The following XDH variants were observed in gnomAD, a reference collection of about 807,000 sequenced individuals.
The protein encoded by XDH is xanthine dehydrogenase.
Under a neutral mutation model 156.1 loss-of-function variants are expected in XDH, and 138 were observed. The ratio of observed to expected loss-of-function variants is 0.88; its 90% confidence interval spans 0.77 to 1.02. The LOEUF (loss-of-function observed/expected upper bound fraction) is 1.02. Ranked by LOEUF, XDH falls within the 50% of genes least tolerant of loss-of-function variation. XDH has a pLI of 0.00. For synonymous variants in XDH, 669 were observed against 625.7 expected (o/e 1.07, Z -1.03); for missense variants, 1,849 against 1,684.9 (o/e 1.10, Z -1.71).
chr2:31,398,932 T>C (rs758548788), intron 4 of XDH, among the ~76,000 whole-genome samples: 7 of 152,180 alleles, frequency 4.6e-5, no homozygotes, highest in Non-Finnish European at 1.0e-4. Context: ...CCTCTAGAGC[T>C]GCGATGAGGA....
chr2:31,368,480 T>C, intron 19 of XDH, 61 bp downstream of exon 19: 2 of 1,604,088 alleles, frequency 1.2e-6, no homozygotes, highest in African/African-American at 1.3e-5. Context: ...GGGATCCTAA[T>C]ACATGCACAT....
At chr2:31,342,877 T>C (rs1189452867) in intron 31 of XDH, among the ~76,000 whole-genome samples, 1 of 152,190 alleles carries the variant, frequency 6.6e-6, no homozygotes, top group Non-Finnish European at 1.5e-5. Flanking sequence ...CCCTTATACA[T>C]TTTTAAAATT....
intron 19 of XDH, 133 bp downstream of exon 19, chr2:31,368,408 G>A: frequency 8.3e-7 from 1 of 1,198,414 alleles, no homozygotes. Context: ...AAATCCCAGG[G>A]TTGAAAGGGA....
chr2:31,359,780 C>T (rs902254716), intron 24 of XDH, among the ~76,000 whole-genome samples: 2 of 152,036 alleles, frequency 1.3e-5, no homozygotes, highest in Admixed American at 6.6e-5. Flanking sequence ...AATCAATATT[C>T]GGATTAGGAT....
chr2:31,407,079 CATG>C (rs1160758433), intron 1 of XDH, among the ~76,000 whole-genome samples: 1 of 152,156 alleles, frequency 6.6e-6, no homozygotes, highest in Non-Finnish European at 1.5e-5. Context: ...AGAAAGAATT[CATG>C]ATAAGGTTTT....
intron 33 of XDH, 43 bp from the exon 34 acceptor site, chr2:31,339,720 C>T: frequency 6.2e-7 from 1 of 1,607,462 alleles, no homozygotes; most frequent in African/African-American, 1.3e-5. Context: ...CCACCTTCTT[C>T]CCTGAGGACA....
In XDH at chr2:31,377,046, C is replaced by T. The variant is rs772385067; in HGVS notation, c.1427+7G>A. 5.6e-6 allele frequency: 9 copies of T among 1,614,096 alleles called. No homozygotes were observed. Among genetic ancestry groups the T allele is most frequent in the South Asian group, 5.5e-5 (5 of 91,082 alleles). The stretch of plus-strand genomic sequence containing the variant: ...AGCAGCAGTTTCATTGTGCTGTTAG[C>T]TCTTACTTGGAAAGCTGCCTCTGAG... On this transcript the variant is annotated splice_region_variant and intron_variant, in intron 14 of 35. Transcript: ENST00000379416.
chr2:31,401,365 C>T (rs763937360), intron 3 of XDH, 37 bp from the exon 4 acceptor site: 26 of 1,607,210 alleles, frequency 1.6e-5, no homozygotes, highest in Middle Eastern at 1.6e-4. Context: ...ATTTATTGTC[C>T]ACTCAGATCA....
At chr2:31,397,832 C>T in intron 5 of XDH, 103 bp from the exon 6 acceptor site, 1 of 1,303,470 alleles carries the variant, frequency 7.7e-7, no homozygotes, top group Non-Finnish European at 1.1e-6. Context: ...CTTTACCAGG[C>T]TGCATATTCT....
intron 24 of XDH, among the ~76,000 whole-genome samples, chr2:31,353,493 G>A (rs1310410277): frequency 6.6e-6 from 1 of 151,840 alleles, no homozygotes; most frequent in East Asian, 1.9e-4. Context: ...CTGAAAAGTG[G>A]AGGAAAAAAA....
chr2:31,346,446 C>G (rs529932653), intron 30 of XDH, among the ~76,000 whole-genome samples: 87 of 152,226 alleles, frequency 5.7e-4, no homozygotes, highest in African/African-American at 2.0e-3. Context: ...CCCACTGAGT[C>G]AAGACAATCC....
intron 6 of XDH, among the ~76,000 whole-genome samples, chr2:31,397,296 C>T (rs1010701783): frequency 6.6e-6 from 1 of 152,192 alleles, no homozygotes; most frequent in Non-Finnish European, 1.5e-5. Context: ...CTGAGCAAGG[C>T]CACGTTGTTA....
chr2:31,368,360 G>A (rs980270968), intron 19 of XDH, among the ~76,000 whole-genome samples, 181 bp downstream of exon 19: 1 of 152,156 alleles, frequency 6.6e-6, no homozygotes, highest in Non-Finnish European at 1.5e-5. Flanking sequence ...TAGTGGACTG[G>A]GCATAAGATC....
At chr2:31,377,316 A>G (rs1251461059) in intron 13 of XDH, 79 bp from the exon 14 acceptor site, 2 of 1,536,858 alleles carry the variant, frequency 1.3e-6, no homozygotes, top group Non-Finnish European at 1.8e-6. Flanking sequence ...CCACAGGGCT[A>G]TGAGGTGAGG....
At chr2:31,343,949 T>C (rs929242713) in intron 31 of XDH, among the ~76,000 whole-genome samples, 2 of 151,884 alleles carry the variant, frequency 1.3e-5, no homozygotes, top group Non-Finnish European at 2.9e-5. Context: ...TAAAGAAACA[T>C]TGAATTATTT....
At chr2:31,343,312 A>ATATATGCATGTT (rs1553411682) in intron 31 of XDH, among the ~76,000 whole-genome samples, 5 of 136,588 alleles carry the variant, frequency 3.7e-5, no homozygotes, top group African/African-American at 1.1e-4. Flanking sequence ...ATATATATAT[A>ATATATGCATGTT]TATATATATA....
At chr2:31,371,307 T>C (rs2018410) in intron 17 of XDH, among the ~76,000 whole-genome samples, 44,598 of 152,198 alleles carry the variant, frequency 0.29, 7,019 homozygotes, top group Non-Finnish European at 0.34. Flanking sequence ...ACCCTGAAAG[T>C]ACTTATCCTA....
intron 2 of XDH, among the ~76,000 whole-genome samples, chr2:31,405,246 A>T (rs1687163571): frequency 6.6e-6 from 1 of 152,184 alleles, no homozygotes; most frequent in Non-Finnish European, 1.5e-5. Flanking sequence ...TGTATATAGG[A>T]AGTGCTCATT....
rs7574484 is a variant in XDH at position 31,362,569 on chromosome 2, C to T, written c.2631+1589G>A. ...CTGTCATGTAAATTCCTCATTGTCA[C>T]AAGCCTAATTCAATTAGCTCGTCAT... On this transcript the variant is annotated intron_variant, in intron 24 of 35. Coordinates refer to ENST00000379416, the MANE Select transcript of XDH (RefSeq NM_000379.4). Among the ~76,000 whole-genome samples the T allele has an allele frequency of 1.0e-2, 1,520 of 152,312 alleles. 20 individuals carry two copies. Among genetic ancestry groups the T allele is most frequent in the African/African-American group, 0.035 (1,469 of 41,558 alleles).
Sources: gnomAD v4.1 joint callset for allele counts (sites outside exome capture counted in the v4.1 genomes callset) on GRCh38, gnomAD v4.1.1 for gene constraint, MANE v1.5 for transcripts, NCBI Gene and HGNC (gene_info 2026-07-23, HGNC 2026-07-21) for gene names.